Variants in RTN3 observed in about 807,000 individuals in gnomAD.
The protein encoded by RTN3 is reticulon-3.
RTN3 carries 49 observed loss-of-function variants against 77.8 expected under a neutral mutation model. That is an observed-to-expected ratio of 0.63 (90% confidence interval 0.50 to 0.80). The LOEUF (loss-of-function observed/expected upper bound fraction) is 0.80. Ranked by LOEUF, RTN3 falls within the 30% of genes least tolerant of loss-of-function variation. The pLI is 0.00. For synonymous variants in RTN3, 464 were observed against 446.9 expected, an observed-to-expected ratio of 1.04 and a Z score of -0.48; for missense variants, 1,236 against 1,211.9, an observed-to-expected ratio of 1.02 and a Z score of -0.29.
chr11:63,714,331 T>C, intron 2 of RTN3: 1 of 317,844 alleles, frequency 3.1e-6, no homozygotes, highest in Non-Finnish European at 6.2e-6. Flanking sequence ...CACTGAGAAA[T>C]GAATGCAGCA....
chr11:63,728,916 A>G (rs2012480250), intron 3 of RTN3, among the ~76,000 whole-genome samples: 1 of 120,464 alleles, frequency 8.3e-6, no homozygotes, highest in Non-Finnish European at 2.0e-5. Context: ...AAAAGAAAAG[A>G]AAGTAGCTAG....
At chr11:63,743,510 T>A (rs985005218) in intron 3 of RTN3, among the ~76,000 whole-genome samples, 1 of 152,226 alleles carries the variant, frequency 6.6e-6, no homozygotes, top group Non-Finnish European at 1.5e-5. Flanking sequence ...ATTTTGATTA[T>A]TGAATGTTAA....
At chr11:63,755,288 T>C (rs1020482056) in intron 7 of RTN3, among the ~76,000 whole-genome samples, 7 of 152,170 alleles carry the variant, frequency 4.6e-5, no homozygotes, top group Non-Finnish European at 8.8e-5. Context: ...TGAGTGATTT[T>C]TTCACTTTAA....
chr11:63,684,878 G>C lies in RTN3; in HGVS notation c.142+3100G>C, dbSNP rs114691034. On this transcript the variant is annotated intron_variant, in intron 1 of 8. Transcript: ENST00000377819. Reference sequence around the variant, plus strand: ...GGGCTCAAACCATTCTCCCACCTTAGCCTCCTGAGTAGGTGGGATTACAGA... The same window carrying C: ...GGGCTCAAACCATTCTCCCACCTTACCCTCCTGAGTAGGTGGGATTACAGA... Among the ~76,000 whole-genome samples the C allele has an allele frequency of 9.8e-3, 1,490 of 151,978 alleles. 25 individuals carry two copies. Among genetic ancestry groups the C allele is most frequent in the African/African-American group, 0.034 (1,391 of 41,474 alleles).
At chr11:63,731,685 G>A (rs1041786952) in intron 3 of RTN3, among the ~76,000 whole-genome samples, 4 of 151,604 alleles carry the variant, frequency 2.6e-5, no homozygotes, top group Non-Finnish European at 2.9e-5. Flanking sequence ...ATGAACTCTC[G>A]CTCTGTCACC....
chr11:63,734,322 C>T (rs1360024632), intron 3 of RTN3, among the ~76,000 whole-genome samples: 1 of 152,052 alleles, frequency 6.6e-6, no homozygotes, highest in African/African-American at 2.4e-5. Flanking sequence ...GTGGTGCACA[C>T]TTGTAATCCC....
At position 63,720,379 on chromosome 11, in the gene RTN3, CATT is replaced by C. The variant is rs775038495; in HGVS notation, c.1879_1881del (p.Leu627del). The C allele has an allele frequency of 1.9e-5, 31 of 1,613,948 alleles. No homozygotes were observed. The highest frequency in any genetic ancestry group is 2.5e-5 in the Non-Finnish European group (30 of 1,180,000). The stretch of plus-strand genomic sequence containing the variant: ...AATGTTTTTAATGAGACAGAATTCT[CATT>C]AAATGTGACAACATCTGCCTATTTG... On this transcript the variant is annotated inframe_deletion, in exon 3 of 9. Coordinates refer to ENST00000377819, the MANE Select transcript of RTN3 (RefSeq NM_001265589.2).
chr11:63,714,125 A>G (rs2011256869), intron 2 of RTN3: 1 of 463,992 alleles, frequency 2.2e-6, no homozygotes, highest in Non-Finnish European at 4.3e-6. Context: ...TTCCAGCCCA[A>G]TTTTTCCCAT....
chr11:63,756,775 C>T (rs1291288541), intron 8 of RTN3, among the ~76,000 whole-genome samples: 3 of 152,122 alleles, frequency 2.0e-5, no homozygotes, highest in Non-Finnish European at 2.9e-5. Context: ...AGGCTGGGCA[C>T]GGTGGCTCAC....
Position 63,718,964 on chromosome 11 carries a change from C to T in RTN3, c.462C>T (p.Asp154=). The part of the protein sequence containing the change: ...SVSLAAGVHC[D]RPSIPASFPE... The stretch of plus-strand genomic sequence containing the variant: ...CTCTTGCAGCAGGAGTTCATTGTGA[C>T]CGTCCTTCTATTCCAGCCAGTTTCC... Residue 154 remains aspartate (D), a synonymous_variant, in exon 3 of 9, where the codon GAC becomes GAT. Transcript: ENST00000377819. The T allele has an allele frequency of 6.2e-7, 1 of 1,614,144 alleles. No individual in the cohort carries two copies. The highest frequency in any genetic ancestry group is 8.5e-7 in the Non-Finnish European group (1 of 1,180,022).
chr11:63,720,644 CAAAG>C lies in RTN3; in HGVS notation c.2146_2149del (p.Glu716GlnfsTer7). On this transcript the variant is annotated frameshift_variant, in exon 3 of 9. Transcript: ENST00000377819. LOFTEE classifies it high-confidence loss of function. ...TTGGAAGCAAATACAGTGAACAAAG[CAAAG>C]AAACAAATGGAAGTGAGCCTCTAGG... The C allele has an allele frequency of 6.2e-7, 1 of 1,613,960 alleles. No individual in the cohort carries two copies. The highest frequency in any genetic ancestry group is 8.5e-7 in the Non-Finnish European group (1 of 1,179,978).
intron 2 of RTN3, 101 bp downstream of exon 2, chr11:63,705,008 C>A: frequency 1.1e-6 from 1 of 879,258 alleles, no homozygotes. Context: ...GCCCCAAATC[C>A]CCTAAAATAA....
In RTN3 at chr11:63,753,169, C is replaced by T. The variant is rs553270558; in HGVS notation, c.2947+31C>T. The T allele has an allele frequency of 7.6e-6, 12 of 1,589,208 alleles. No individual in the cohort carries two copies. In the South Asian group the frequency reaches 1.2e-4, roughly 16 times the overall value. ...GTGGCAAGGAGAATGTGCCCATGCT[C>T]TTTGAAGTAGTTTGTAAGAATAAGA... On this transcript the variant is annotated intron_variant, in intron 6 of 8. Coordinates refer to ENST00000377819, the MANE Select transcript of RTN3 (RefSeq NM_001265589.2).
chr11:63,700,324 G>A (rs1418314596), intron 1 of RTN3, among the ~76,000 whole-genome samples: 2 of 131,174 alleles, frequency 1.5e-5, no homozygotes, highest in Non-Finnish European at 3.1e-5. Context: ...TGCCCAGGCT[G>A]GAGTACAGTG....
At chr11:63,701,486 ATT>A (rs753575887) in intron 1 of RTN3, among the ~76,000 whole-genome samples, 2 of 152,086 alleles carry the variant, frequency 1.3e-5, no homozygotes, top group Non-Finnish European at 2.9e-5. Flanking sequence ...AGAGAGTAAA[ATT>A]TCTCTCTATT....
In RTN3 at chr11:63,756,820, G is replaced by A. The variant is rs188030923; in HGVS notation, c.3053+650G>A. 1.1e-3 allele frequency among the ~76,000 whole-genome samples: 164 copies of A among 152,174 alleles called. 2 individuals carry two copies. The East Asian group carries it at 0.019, about 18-fold the overall frequency. ...CCCAACACTTTGGGAGGCCAAGGCC[G>A]GTGGATCACGAGGTCAGGAGTTCGA... On this transcript the variant is annotated intron_variant, in intron 8 of 8. Coordinates refer to ENST00000377819, the MANE Select transcript of RTN3 (RefSeq NM_001265589.2).
intron 1 of RTN3, among the ~76,000 whole-genome samples, chr11:63,684,035 T>G (rs1941218045): frequency 7.7e-6 from 1 of 129,568 alleles, no homozygotes; most frequent in African/African-American, 2.9e-5. Context: ...CACTGCAACC[T>G]CCATCTCCGG....
chr11:63,730,642 G>A (rs2012623103), intron 3 of RTN3, among the ~76,000 whole-genome samples: 1 of 152,030 alleles, frequency 6.6e-6, no homozygotes, highest in Non-Finnish European at 1.5e-5. Context: ...TTTTTTTGTA[G>A]AGACCCCCAT....
rs373926513 is a variant in RTN3 at position 63,718,860 on chromosome 11, G to C, written c.358G>C (p.Asp120His). Residue 120 changes from aspartate to histidine, a missense_variant, in exon 3 of 9, where the codon GAC (aspartate) becomes CAC (histidine). Physicochemically the swap from Asp to His is moderately conservative, Grantham distance 81. Around this residue, in one of 3 missense-constraint regions of RTN3, gnomAD observed 1,056 missense variants for 990.4 expected, o/e 1.07. Coordinates refer to ENST00000377819, the MANE Select transcript of RTN3 (RefSeq NM_001265589.2). Reference sequence around the variant, plus strand: ...GCCTATTTTAGCCAAAGAAGGAAAAGACCACTTGGATCTTCTAGATATGAA... The same window carrying C: ...GCCTATTTTAGCCAAAGAAGGAAAACACCACTTGGATCTTCTAGATATGAA... ...SQPILAKEGK[D>H]HLDLLDMKKM... 2 of 1,614,108 alleles carry C rather than the reference G, an allele frequency of 1.2e-6. No individual in the cohort carries two copies. Among genetic ancestry groups the C allele is most frequent in the Admixed American group, 1.7e-5 (1 of 59,996 alleles).
Sources: gnomAD v4.1 joint callset for allele counts (sites outside exome capture counted in the v4.1 genomes callset) on GRCh38, gnomAD v4.1.1 for gene constraint, gnomAD v4.1.1 regional missense constraint, MANE v1.5 for transcripts, NCBI Gene and HGNC (gene_info 2026-07-23, HGNC 2026-07-21) for gene names.